The following CDC34 variants were observed in gnomAD, a reference collection of about 807,000 sequenced individuals.
CDC34 encodes cell division cycle 34, ubiquitin conjugating enzyme, also known as ubiquitin-conjugating enzyme E2 R1.
In CDC34, 18 loss-of-function variants were observed where a neutral mutation model predicts 26.8. The observed-to-expected ratio is 0.67, with a 90% CI of 0.47 to 1.00. The LOEUF is 1.00. CDC34 is among the 50% of genes least tolerant of loss of function. CDC34 has a pLI of 0.00. For missense variants in CDC34, 280 were observed against 334.5 expected (o/e 0.84, Z 1.27); for synonymous variants, 178 against 147.5 (o/e 1.21, Z -1.50).
rs748418076 is a variant in CDC34 at position 537,073 on chromosome 19, C to T, written c.423C>T (p.Asn141=). The stretch of plus-strand genomic sequence containing the variant: ...AGCCCAACACCTTCTCGCCCGCAAA[C>T]GTGGACGCCTCCGTGATGTACAGGA... The part of the protein sequence containing the change: ...LNEPNTFSPA[N]VDASVMYRKW... The change falls in exon 4 of 5, where the codon AAC becomes AAT. Residue 141 remains asparagine (N), a synonymous_variant. Coordinates refer to ENST00000215574, the MANE Select transcript of CDC34 (RefSeq NM_004359.2). 1.2e-5 allele frequency: 19 copies of T among 1,613,726 alleles called. No homozygotes were observed. Among genetic ancestry groups the T allele is most frequent in the East Asian group, 2.2e-5 (1 of 44,892 alleles).
chr19:537,895 G>A (rs1979834469), intron 4 of CDC34, among the ~76,000 whole-genome samples: 1 of 152,030 alleles, frequency 6.6e-6, no homozygotes, highest in Non-Finnish European at 1.5e-5. Context: ...GACCTCAGGT[G>A]ATCCACCCGC....
Position 541,372 on chromosome 19 carries a change from G to A in CDC34, c.531G>A (p.Glu177=). 6.2e-7 allele frequency: 1 copy of A among 1,604,640 alleles called. No homozygotes were observed. Among genetic ancestry groups the A allele is most frequent in the Non-Finnish European group, 8.5e-7 (1 of 1,177,364 alleles). ...TCCTGGGGACCAAGGTGGACGCGGA[G>A]CGTGACGGCGTGAAGGTGCCCACCA... The part of the protein sequence containing the change: ...KQVLGTKVDA[E]RDGVKVPTTL... The change falls in exon 5 of 5, where the codon GAG becomes GAA. Residue 177 remains glutamate, a synonymous_variant. Coordinates refer to ENST00000215574, the MANE Select transcript of CDC34 (RefSeq NM_004359.2).
At chr19:539,126 G>C in intron 4 of CDC34, 5 of 632,232 alleles carry the variant, frequency 7.9e-6, no homozygotes, top group Non-Finnish European at 9.9e-6. Context: ...TGTTGGCCTC[G>C]TGGCAGCCCA....
intron 2 of CDC34, 90 bp from the exon 3 acceptor site, chr19:536,153 C>G: frequency 1.8e-6 from 2 of 1,100,964 alleles, no homozygotes; most frequent in Non-Finnish European, 2.7e-6. Context: ...CTCACGTCCT[C>G]GTCCTCCACG....
In CDC34 at chr19:536,287, C is replaced by A; in HGVS notation, c.309C>A (p.Asp103Glu). The A allele has an allele frequency of 6.2e-7, 1 of 1,612,424 alleles. No homozygotes were observed. Among genetic ancestry groups the A allele is most frequent in the Non-Finnish European group, 8.5e-7 (1 of 1,179,678 alleles). ...CISILHPPVD[D>E]PQSGELPSER... ...CCATCCTCCACCCGCCGGTGGACGA[C>A]CCCCAGAGCGGGGAGCTGCCCTCAG... is the stretch of plus-strand genomic sequence containing the variant. Residue 103 changes from aspartate (D) to glutamate (E), a missense_variant, in exon 3 of 5, where the codon GAC becomes GAA. Physicochemically the swap from Asp to Glu is conservative, Grantham distance 45 (BLOSUM62 2). Transcript: ENST00000215574.
intron 4 of CDC34, among the ~76,000 whole-genome samples, chr19:539,344 G>A (rs1202746116): frequency 2.1e-5 from 3 of 141,900 alleles, no homozygotes; most frequent in East Asian, 2.3e-4. Context: ...CCGGGGCACC[G>A]TCACCCCCCC....
At position 532,072 on chromosome 19, in the gene CDC34, G is replaced by GC; in HGVS notation, c.147dup (p.Asn50GlnfsTer36). On this transcript the variant is annotated frameshift_variant, in exon 1 of 5. Transcript: ENST00000215574. LOFTEE classifies it high-confidence loss of function. ...ACAACTGGGAGGTGGCCATCTTCGG[G>GC]CCCCCCAACACCTACTACGAGGGCG... The GC allele has an allele frequency of 1.3e-6, 2 of 1,521,588 alleles. No homozygotes were observed. The highest frequency in any genetic ancestry group is 8.7e-7 in the Non-Finnish European group (1 of 1,143,662). 94.3% of individuals were successfully genotyped at this position (1,521,588 alleles called of 1,614,324 possible).
At chr19:539,447 A>G (rs1300113496) in intron 4 of CDC34, among the ~76,000 whole-genome samples, 1 of 149,226 alleles carries the variant, frequency 6.7e-6, no homozygotes, top group African/African-American at 2.5e-5. Context: ...CCCCCAGCCC[A>G]TCGGAGAGCT....
In CDC34 at chr19:541,628, C is replaced by T. The variant is rs556080802; in HGVS notation, c.*76C>T. The stretch of plus-strand genomic sequence containing the variant: ...GCTCCTTAGACGACAGACTACCTCA[C>T]GGAGGTTTTGTGCTGGTCCCCGTCT... On this transcript the variant is annotated 3_prime_UTR_variant, in exon 5 of 5. Coordinates refer to ENST00000215574, the MANE Select transcript of CDC34 (RefSeq NM_004359.2). 334 of 1,451,196 alleles carry T rather than the reference C, an allele frequency of 2.3e-4. No individual in the cohort carries two copies. The highest frequency in any genetic ancestry group is 2.8e-4 in the Non-Finnish European group (304 of 1,090,172). The allele number at this position is 1,451,196 out of a possible 1,614,324, so 89.9% of individuals were successfully genotyped here. A position where few individuals can be genotyped will look rare whatever the true frequency, so the allele number is the denominator to read the frequency against.
intron 4 of CDC34, 44 bp from the exon 5 acceptor site, chr19:541,295 G>C (rs1371927142): frequency 1.2e-5 from 18 of 1,489,628 alleles, no homozygotes; most frequent in Non-Finnish European, 1.6e-5. Context: ...CAGGGGCCGA[G>C]TCCAGGCACG....
At chr19:536,413 C>T (rs924336282) in intron 3 of CDC34, 73 bp downstream of exon 3, 1 of 1,191,546 alleles carries the variant, frequency 8.4e-7, no homozygotes, top group Non-Finnish European at 1.2e-6. Context: ...TCCACCCAGA[C>T]CATCAGGTAG....
intron 4 of CDC34, chr19:538,759 G>GTGC: frequency 1.0e-6 from 1 of 985,362 alleles, no homozygotes; most frequent in South Asian, 4.7e-5. Context: ...CAGCATCCTG[G>GTGC]TGCTGGGCGG....
chr19:541,896 A>G lies in CDC34; in HGVS notation c.*344A>G. 5.4e-6 allele frequency: 1 copy of G among 185,298 alleles called. No homozygotes were observed. Among genetic ancestry groups the G allele is most frequent in the Non-Finnish European group, 1.1e-5 (1 of 89,474 alleles). The allele number at this position is 185,298 out of a possible 1,614,324, so 11.5% of individuals were successfully genotyped here. A position where few individuals can be genotyped will look rare whatever the true frequency, so the allele number is the denominator to read the frequency against. The stretch of plus-strand genomic sequence containing the variant: ...GAGGAGCCACGGGGGCGCTGCTGGG[A>G]ACGTGGGCGGGGGGCCGTTTCCTGA... On this transcript the variant is annotated 3_prime_UTR_variant, in exon 5 of 5. Transcript: ENST00000215574.
chr19:539,233 C>T (rs1979900889), intron 4 of CDC34, among the ~76,000 whole-genome samples: 1 of 152,132 alleles, frequency 6.6e-6, no homozygotes, highest in Admixed American at 6.5e-5. Context: ...TCCTCCAGCT[C>T]ATGCTGGCGG....
At chr19:537,651 CTTTTTTTTT>C (rs773623358) in intron 4 of CDC34, among the ~76,000 whole-genome samples, 2 of 67,078 alleles carry the variant, frequency 3.0e-5, no homozygotes, top group African/African-American at 1.1e-4. Context: ...CGCGGCCGGC[CTTTTTTTTT>C]TTTTTTTTTT....
intron 1 of CDC34, among the ~76,000 whole-genome samples, chr19:533,248 C>G (rs1390283828): frequency 7.2e-5 from 11 of 152,188 alleles, no homozygotes; most frequent in Non-Finnish European, 1.5e-4. Context: ...ACCGTCACTT[C>G]CTGCCAAGAG....
intron 4 of CDC34, chr19:538,646 C>T (rs1280319000): frequency 1.1e-6 from 1 of 882,398 alleles, no homozygotes; most frequent in Non-Finnish European, 1.4e-6. Flanking sequence ...TAAAATATTG[C>T]ACACATAATG....
chr19:537,217 C>T (rs539920175), intron 4 of CDC34, 70 bp downstream of exon 4: 33 of 1,556,744 alleles, frequency 2.1e-5, no homozygotes, highest in Admixed American at 5.3e-5. Context: ...CCTGGTCCCA[C>T]GGCCGCCCAG....
chr19:535,723 T>C (rs1220603648), intron 1 of CDC34, 114 bp from the exon 2 acceptor site: 1 of 827,404 alleles, frequency 1.2e-6, no homozygotes, highest in Non-Finnish European at 2.1e-6. Flanking sequence ...ACGGTGTCCC[T>C]CACACACACC....
Sources: gnomAD v4.1 joint callset for allele counts (sites outside exome capture counted in the v4.1 genomes callset) on GRCh38, gnomAD v4.1.1 for gene constraint, MANE v1.5 for transcripts, NCBI Gene and HGNC (gene_info 2026-07-23, HGNC 2026-07-21) for gene names.